Variants in CRTAC1 observed in about 807,000 individuals in gnomAD.
CRTAC1 encodes acidic secreted protein in cartilage.
In CRTAC1, 37 loss-of-function variants were observed where a neutral mutation model predicts 67.8. The observed-to-expected ratio is 0.55, with a 90% CI of 0.42 to 0.72. The LOEUF is 0.72. CRTAC1 is among the 30% of genes least tolerant of loss of function. CRTAC1 has a pLI of 0.00. For missense variants in CRTAC1, 780 were observed against 931.6 expected (o/e 0.84, Z 2.12); for synonymous variants, 348 against 371.0 (o/e 0.94, Z 0.71).
chr10:97,912,383 G>A (rs563548434), intron 5 of CRTAC1, among the ~76,000 whole-genome samples: 19 of 152,282 alleles, frequency 1.2e-4, no homozygotes, highest in Admixed American at 2.6e-4. Flanking sequence ...TGGAGTTAGA[G>A]GGGAAAATGC....
intron 14 of CRTAC1, among the ~76,000 whole-genome samples, chr10:97,874,118 C>A (rs149333213): frequency 1.1e-3 from 170 of 152,334 alleles, no homozygotes; most frequent in African/African-American, 3.8e-3. Flanking sequence ...TTTTGAGGAG[C>A]AGCCGGCAAC....
intron 14 of CRTAC1, among the ~76,000 whole-genome samples, chr10:97,874,576 C>T (rs552512490): frequency 2.0e-5 from 3 of 152,196 alleles, no homozygotes; most frequent in Admixed American, 6.5e-5. Flanking sequence ...CAGGGTGTAC[C>T]GGGAAGCACA....
intron 13 of CRTAC1, among the ~76,000 whole-genome samples, chr10:97,882,480 A>G (rs2050228625): frequency 1.3e-5 from 2 of 151,980 alleles, no homozygotes; most frequent in African/African-American, 2.4e-5. Context: ...GCATGTGGCT[A>G]TTCCCCCTGT....
chr10:98,021,459 G>A (rs1307694121), intron 1 of CRTAC1, among the ~76,000 whole-genome samples: 1 of 152,204 alleles, frequency 6.6e-6, no homozygotes, highest in African/African-American at 2.4e-5. Context: ...GTTTCTGAAA[G>A]TGAGAGGACA....
At chr10:97,904,154 G>A (rs913006549) in intron 7 of CRTAC1, among the ~76,000 whole-genome samples, 6 of 152,084 alleles carry the variant, frequency 3.9e-5, no homozygotes, top group African/African-American at 9.6e-5. Flanking sequence ...CCAGGACTCC[G>A]GCCCACCTCG....
At chr10:97,896,092 G>T in intron 9 of CRTAC1, 107 bp from the exon 10 acceptor site, 1 of 950,792 alleles carries the variant, frequency 1.1e-6, no homozygotes, top group East Asian at 2.6e-5. Context: ...GGGAGCCAGA[G>T]AAAGCACAGC....
chr10:97,913,728 G>T (rs1052089903), intron 5 of CRTAC1, among the ~76,000 whole-genome samples: 2 of 152,130 alleles, frequency 1.3e-5, no homozygotes, highest in Admixed American at 6.5e-5. Context: ...TGGCTGGGGA[G>T]CCTGTCACTC....
chr10:97,899,687 T>A lies in CRTAC1; in HGVS notation c.1133+1816A>T, dbSNP rs535108441. Among the ~76,000 whole-genome samples the A allele has an allele frequency of 2.6e-5, 4 of 152,336 alleles. No homozygotes were observed. In the South Asian group the frequency reaches 8.3e-4, roughly 32 times the overall value. ...ACATCCAGTCAGGATTGATGCTTTG[T>A]TAATAATTATATTTTAAAACACGCT... On this transcript the variant is annotated intron_variant, in intron 8 of 14. Coordinates refer to ENST00000370597, the MANE Select transcript of CRTAC1 (RefSeq NM_018058.7).
chr10:97,923,330 C>T lies in CRTAC1; in HGVS notation c.492G>A (p.Glu164=). 1.2e-6 allele frequency: 2 copies of T among 1,614,180 alleles called. No individual in the cohort carries two copies. Among genetic ancestry groups the T allele is most frequent in the South Asian group, 1.1e-5 (1 of 91,082 alleles). ...TGGCCACACCACGGGCCACGTTGAC[C>T]TCATCGCTCAGGATGTCTTCCCACC... ...NNRWEDILSD[E]VNVARGVASL... Residue 164 remains glutamate (E), a synonymous_variant, in exon 4 of 15, where the codon GAG becomes GAA. Coordinates refer to ENST00000370597, the MANE Select transcript of CRTAC1 (RefSeq NM_018058.7).
chr10:97,937,916 G>C (rs189389007), intron 2 of CRTAC1, among the ~76,000 whole-genome samples: 1 of 152,356 alleles, frequency 6.6e-6, no homozygotes, highest in Non-Finnish European at 1.5e-5. Flanking sequence ...GTTCCCAGCT[G>C]GTAACACCCA....
rs1301901957 is a variant in CRTAC1, at chr10:97,895,197, T to A, written c.1486+48A>T. On this transcript the variant is annotated intron_variant, in intron 11 of 14. Transcript: ENST00000370597. This position sits in a 1 kb window ranked among gnomAD's most constrained non-coding sequence, Gnocchi z 4.2. ...CTCGGGCTGTGAGTCCCTGAATCAG[T>A]CAGCATCCTGATAACAGCTCACTGT... is the stretch of plus-strand genomic sequence containing the variant. 2 of 1,573,622 alleles carry A rather than the reference T, an allele frequency of 1.3e-6. No homozygotes were observed. Among genetic ancestry groups the A allele is most frequent in the South Asian group, 2.3e-5 (2 of 88,804 alleles).
chr10:97,933,648 A>G (rs753235174), intron 3 of CRTAC1, among the ~76,000 whole-genome samples: 1 of 152,250 alleles, frequency 6.6e-6, no homozygotes, highest in Admixed American at 6.5e-5. Context: ...TGTTGAGGAT[A>G]GAGTGTGAAC....
rs145617413 is a variant in CRTAC1, at chr10:97,899,207, G to A, written c.1134-2216C>T. 1.4e-3 allele frequency among the ~76,000 whole-genome samples: 216 copies of A among 152,320 alleles called. 1 individual carries two copies. Among genetic ancestry groups the A allele is most frequent in the Middle Eastern group, 3.4e-3 (1 of 294 alleles). On this transcript the variant is annotated intron_variant, in intron 8 of 14. Transcript: ENST00000370597. ...CCCCTCTCGCTGTCCTCTCTGCTGC[G>A]TGCTCAGGACCCAGCCATCTGCCAC...
chr10:97,957,374 C>G (rs2051457857), intron 2 of CRTAC1, among the ~76,000 whole-genome samples: 2 of 152,146 alleles, frequency 1.3e-5, no homozygotes, highest in Non-Finnish European at 2.9e-5. Flanking sequence ...CCAACATCAG[C>G]AACATCAGTG....
chr10:97,874,964 G>A (rs946469653), intron 14 of CRTAC1, among the ~76,000 whole-genome samples: 4 of 152,170 alleles, frequency 2.6e-5, no homozygotes, highest in African/African-American at 4.8e-5. Flanking sequence ...TGCCTGCCAC[G>A]TCTTGCTAGG....
chr10:97,894,642 C>T (rs2050423929), intron 11 of CRTAC1, among the ~76,000 whole-genome samples: 1 of 143,396 alleles, frequency 7.0e-6, no homozygotes, highest in Non-Finnish European at 1.5e-5. Flanking sequence ...AAGGGATCCA[C>T]CTGCCTCAGC....
intron 2 of CRTAC1, among the ~76,000 whole-genome samples, chr10:97,992,269 C>A (rs533776306): frequency 1.8e-4 from 28 of 152,294 alleles, no homozygotes; most frequent in African/African-American, 6.7e-4. Flanking sequence ...AACTAGCTAT[C>A]TCCCTCCTAC....
intron 2 of CRTAC1, among the ~76,000 whole-genome samples, chr10:97,992,170 G>A (rs1001469626): frequency 5.9e-5 from 9 of 152,110 alleles, no homozygotes; most frequent in South Asian, 2.1e-4. Flanking sequence ...GCCTGGTGCC[G>A]CTGCTTCCCA....
At chr10:97,892,507 G>A (rs529240464) in intron 11 of CRTAC1, among the ~76,000 whole-genome samples, 92 of 152,340 alleles carry the variant, frequency 6.0e-4, no homozygotes, top group Admixed American at 1.4e-3. Flanking sequence ...AGACCGTGGC[G>A]TCAGGGAGGT....
Sources: allele counts gnomAD v4.1 joint callset (sites outside exome capture counted in the v4.1 genomes callset), GRCh38; gene constraint gnomAD v4.1.1; non-coding constraint Gnocchi (gnomAD v3.1); transcripts MANE v1.5; gene names NCBI Gene and HGNC (gene_info 2026-07-23, HGNC 2026-07-21).